MYOM1: variants seen among roughly 807,000 people sequenced by gnomAD.
The protein encoded by MYOM1 is myomesin 1.
In MYOM1, 164 loss-of-function variants were observed where a neutral mutation model predicts 205.3. The ratio of observed to expected loss-of-function variants is 0.80; its 90% confidence interval spans 0.70 to 0.91. The LOEUF (loss-of-function observed/expected upper bound fraction) is 0.91, where lower values mean the gene tolerates loss of function less well. MYOM1 is among the 40% of genes least tolerant of loss of function. The probability of loss-of-function intolerance (pLI) is 0.00; values close to 1 mark genes in which losing one functional copy is unlikely to be tolerated. For synonymous variants in MYOM1, 772 were observed against 789.4 expected, an observed-to-expected ratio of 0.98 and a Z score of 0.37; for missense variants, 2,011 against 2,127.3, an observed-to-expected ratio of 0.95 and a Z score of 1.08.
intron 6 of MYOM1, among the ~76,000 whole-genome samples, chr18:3,175,460 C>T (rs11665082): frequency 4.2e-4 from 64 of 151,912 alleles, no homozygotes; most frequent in Non-Finnish European, 5.0e-4. Context: ...ATGTAGGTTT[C>T]GTTTTCAAAT....
At chr18:3,153,239 C>A (rs945171867) in intron 11 of MYOM1, among the ~76,000 whole-genome samples, 7 of 152,222 alleles carry the variant, frequency 4.6e-5, no homozygotes, top group African/African-American at 1.7e-4. Flanking sequence ...AGAAAGAACA[C>A]AAACCTACAG....
chr18:3,173,441 T>C (rs1362997057), intron 8 of MYOM1, among the ~76,000 whole-genome samples: 1 of 152,130 alleles, frequency 6.6e-6, no homozygotes, highest in East Asian at 1.9e-4. Flanking sequence ...TGCCATGGCC[T>C]CACCCAGGAC....
At chr18:3,197,644 C>A (rs573650250) in intron 2 of MYOM1, among the ~76,000 whole-genome samples, 2 of 151,824 alleles carry the variant, frequency 1.3e-5, no homozygotes, top group African/African-American at 2.4e-5. Context: ...GAGGCCAAGG[C>A]GGGCGGATCA....
the MYOM1 span, among the ~76,000 whole-genome samples, chr18:3,232,698 CTTA>C: frequency 6.6e-6 from 1 of 152,282 alleles, no homozygotes; most frequent in East Asian, 1.9e-4. Context: ...TTCTATTCAA[CTTA>C]TTATGCTTTA....
chr18:3,149,424 G>T (rs902472231), intron 12 of MYOM1, among the ~76,000 whole-genome samples: 4 of 152,142 alleles, frequency 2.6e-5, no homozygotes, highest in African/African-American at 9.7e-5. Flanking sequence ...AATCTGCCTG[G>T]ACTGGCTGAG....
chr18:3,176,855 C>A, intron 5 of MYOM1, among the ~76,000 whole-genome samples: 1 of 151,738 alleles, frequency 6.6e-6, no homozygotes, highest in East Asian at 1.9e-4. Flanking sequence ...GCACTCCAGC[C>A]TGGGCGACGG....
intron 3 of MYOM1, among the ~76,000 whole-genome samples, chr18:3,190,999 C>T (rs564309812): frequency 1.7e-4 from 26 of 152,152 alleles, no homozygotes; most frequent in African/African-American, 5.5e-4. Context: ...TTATTTCACA[C>T]GAGAACTCAA....
At chr18:3,188,324 T>G (rs1415526584) in intron 4 of MYOM1, among the ~76,000 whole-genome samples, 2 of 152,170 alleles carry the variant, frequency 1.3e-5, no homozygotes, top group Admixed American at 1.3e-4. Flanking sequence ...ATTCTTCATT[T>G]GAAACAAATC....
chr18:3,116,422 G>A lies in MYOM1; in HGVS notation c.3212C>T (p.Thr1071Ile), dbSNP rs1199664271. The change falls in exon 21 of 38, where the codon ACT (threonine) becomes ATT (isoleucine). Residue 1071 changes from threonine (T) to isoleucine (I), a missense_variant. By Grantham distance (89) the Thr-to-Ile change is moderately conservative. Transcript: ENST00000356443. Reference protein sequence around the residue: ...PPVHSGRTPVTGYFVDLKEAK... With the variant: ...PPVHSGRTPVIGYFVDLKEAK... The stretch of plus-strand genomic sequence containing the variant: ...CTCCTTCAAGTCCACGAAGTAACCA[G>A]TGACCGGAGTCCGCCCGGAGTGGAC... 6.2e-7 allele frequency: 1 copy of A among 1,613,862 alleles called. No individual in the cohort carries two copies. Among genetic ancestry groups the A allele is most frequent in the Non-Finnish European group, 8.5e-7 (1 of 1,179,846 alleles).
At chr18:3,120,050 T>TC (rs2079665440) in intron 19 of MYOM1, 55 bp from the exon 20 acceptor site, 1 of 1,519,552 alleles carries the variant, frequency 6.6e-7, no homozygotes, top group Non-Finnish European at 8.8e-7. Context: ...TTTTTTTTTT[T>TC]CTACTTGTTG....
In MYOM1 at chr18:3,193,849, T is replaced by C. The variant is rs1567961770; in HGVS notation, c.400A>G (p.Ser134Gly). Reference protein sequence around the residue: ...LSGEEKENLPSDYMVPIFSGR... With the variant: ...LSGEEKENLPGDYMVPIFSGR... Reference sequence around the variant, plus strand: ...GAGAAAATGGGTACCATGTAGTCACTGGGCAAATTTTCTTTCTCTTCTCCA... The same window carrying C: ...GAGAAAATGGGTACCATGTAGTCACCGGGCAAATTTTCTTTCTCTTCTCCA... Residue 134 changes from serine to glycine, a missense_variant, in exon 3 of 38, where the codon AGT becomes GGT. Transcript: ENST00000356443. 6.2e-7 allele frequency: 1 copy of C among 1,613,830 alleles called. No homozygotes were observed.
Position 3,072,350 on chromosome 18 carries a change from C to CTTTTTTTTTTTTTTTTT in MYOM1, c.4709-478_4709-462dup. 3.8e-3 allele frequency among the ~76,000 whole-genome samples: 216 copies of CTTTTTTTTTTTTTTTTT among 56,206 alleles called. 61 individuals carry two copies. The highest frequency in any genetic ancestry group is 0.015 in the African/African-American group (161 of 10,706). 36.9% of individuals were successfully genotyped at this position (56,206 alleles called of 152,430 possible). ...AGCAGGCGTGAGCCACCGCACCCGG[C>CTTTTTTTTTTTTTTTTT]TTTTTTTTTTTTTTTTTTTTTGAGG... is the stretch of plus-strand genomic sequence containing the variant. On this transcript the variant is annotated intron_variant, in intron 36 of 37. Coordinates refer to ENST00000356443, the MANE Select transcript of MYOM1 (RefSeq NM_003803.4).
intron 2 of MYOM1, among the ~76,000 whole-genome samples, chr18:3,204,006 C>G (rs910648865): frequency 1.8e-4 from 28 of 151,796 alleles, no homozygotes; most frequent in African/African-American, 6.0e-4. Flanking sequence ...AAAGCAAAAA[C>G]CATATTATCA....
At chr18:3,105,150 G>A (rs112515677) in intron 22 of MYOM1, among the ~76,000 whole-genome samples, 84 of 152,254 alleles carry the variant, frequency 5.5e-4, no homozygotes, top group African/African-American at 1.9e-3. Flanking sequence ...AAGCTACTAT[G>A]AGCAGGAGCA....
chr18:3,129,417 T>C lies in MYOM1; in HGVS notation c.2609A>G (p.Gln870Arg), dbSNP rs756547489. Reference sequence around the variant, plus strand: ...TTTGCTGCCAAGCAAAGCATCTTTCTGGAAGGTTGGCGGGGAGGCTTCATG... The same window carrying C: ...TTTGCTGCCAAGCAAAGCATCTTTCCGGAAGGTTGGCGGGGAGGCTTCATG... ...RVHEASPPTF[Q>R]KDALLGSKPN... Residue 870 changes from glutamine to arginine, a missense_variant, in exon 18 of 38, where the codon CAG becomes CGG. Transcript: ENST00000356443. 3 of 1,613,982 alleles carry C rather than the reference T, an allele frequency of 1.9e-6. No individual in the cohort carries two copies. In the South Asian group the frequency reaches 3.3e-5, roughly 18 times the overall value.
chr18:3,070,771 T>TGTGC (rs1449920984), intron 37 of MYOM1, among the ~76,000 whole-genome samples: 25 of 147,042 alleles, frequency 1.7e-4, no homozygotes, highest in Non-Finnish European at 3.1e-4. Context: ...TGTGTGTGTG[T>TGTGC]GTGCACGTGT....
chr18:3,131,491 G>A lies in MYOM1; in HGVS notation c.2390C>T (p.Thr797Ile), dbSNP rs780023914. Residue 797 changes from threonine to isoleucine, a missense_variant, in exon 17 of 38, where the codon ACT (threonine) becomes ATT (isoleucine). Physicochemically the swap from Thr to Ile is moderately conservative, Grantham distance 89 (BLOSUM62 -1). Coordinates refer to ENST00000356443, the MANE Select transcript of MYOM1 (RefSeq NM_003803.4). ...NNNPVKGSRF[T>I]CHGLVTGQSY... ...CTGACCAGTCACTAATCCATGACAA[G>A]TGAATCTAAAAGGAAAACAAGTTTT... 1.9e-6 allele frequency: 3 copies of A among 1,609,970 alleles called. No homozygotes were observed. The highest frequency in any genetic ancestry group is 2.5e-6 in the Non-Finnish European group (3 of 1,178,752).
chr18:3,117,741 A>G (rs2079626979), intron 20 of MYOM1, among the ~76,000 whole-genome samples: 1 of 152,112 alleles, frequency 6.6e-6, no homozygotes, highest in Non-Finnish European at 1.5e-5. Context: ...CTGAAAGCCA[A>G]CTTGTAGAAG....
chr18:3,109,961 A>C (rs112249871), intron 22 of MYOM1, among the ~76,000 whole-genome samples: 4 of 152,166 alleles, frequency 2.6e-5, no homozygotes, highest in African/African-American at 9.6e-5. Flanking sequence ...TGGTATCCTA[A>C]TGGGTTCAAG....
Sources: gnomAD v4.1 joint callset for allele counts (sites outside exome capture counted in the v4.1 genomes callset) on GRCh38, gnomAD v4.1.1 for gene constraint, MANE v1.5 for transcripts, NCBI Gene and HGNC (gene_info 2026-07-23, HGNC 2026-07-21) for gene names.